The following RGS9 variants were observed in gnomAD, a reference collection of about 807,000 sequenced individuals.
The protein encoded by RGS9 is regulator of G protein signaling 9.
A neutral mutation model predicts 102.0 loss-of-function variants in RGS9; 78 were observed. The observed-to-expected ratio is 0.76, with a 90% CI of 0.64 to 0.92. The LOEUF (loss-of-function observed/expected upper bound fraction) is 0.92, where lower values mean the gene tolerates loss of function less well. Among genes scored for constraint, RGS9 ranks in the 40% least tolerant of loss-of-function variants. The pLI, the probability that RGS9 is intolerant of heterozygous loss-of-function variation, is 0.00. For synonymous variants in RGS9, 353 were observed against 318.6 expected (o/e 1.11, Z -1.15); for missense variants, 833 against 866.1 (o/e 0.96, Z 0.48).
At chr17:65,190,812 A>G (rs1351469449) in intron 11 of RGS9, among the ~76,000 whole-genome samples, 1 of 152,188 alleles carries the variant, frequency 6.6e-6, no homozygotes, top group African/African-American at 2.4e-5. Flanking sequence ...AAAATGCGGA[A>G]TTTATCTTAG....
At chr17:65,224,884 T>C in intron 17 of RGS9, 118 bp from the exon 18 acceptor site, 2 of 1,390,554 alleles carry the variant, frequency 1.4e-6, no homozygotes, top group Admixed American at 3.4e-5. Flanking sequence ...GAGGCAGCCA[T>C]ATCAGGCCCG....
intron 16 of RGS9, among the ~76,000 whole-genome samples, chr17:65,210,094 A>G (rs4423458): frequency 6.6e-6 from 1 of 151,824 alleles, no homozygotes; most frequent in South Asian, 2.1e-4. Context: ...CCACCCCCCA[A>G]CCGCCCCAAA....
intron 17 of RGS9, among the ~76,000 whole-genome samples, chr17:65,223,980 C>T: frequency 6.6e-6 from 1 of 151,820 alleles, no homozygotes. Context: ...TGGTCTCGAA[C>T]TCCTGACCTC....
chr17:65,204,133 A>G, intron 14 of RGS9, 30 bp from the exon 15 acceptor site: 1 of 1,611,732 alleles, frequency 6.2e-7, no homozygotes, highest in Non-Finnish European at 8.5e-7. Flanking sequence ...TGGTTTAGTT[A>G]CTTTTGCTAA....
chr17:65,174,424 T>C (rs1238036570), intron 8 of RGS9, among the ~76,000 whole-genome samples: 1 of 152,080 alleles, frequency 6.6e-6, no homozygotes, highest in Non-Finnish European at 1.5e-5. Context: ...TGTGTGAATG[T>C]ATGTGTGCGA....
chr17:65,168,375 T>G, intron 8 of RGS9, 94 bp downstream of exon 8: 5 of 847,382 alleles, frequency 5.9e-6, no homozygotes, highest in Non-Finnish European at 9.8e-6. Flanking sequence ...CCTCTTTCTC[T>G]AGGGCGAGAA....
intron 9 of RGS9, among the ~76,000 whole-genome samples, chr17:65,182,386 G>A (rs1004923504): frequency 1.3e-5 from 2 of 152,204 alleles, no homozygotes; most frequent in African/African-American, 2.4e-5. Context: ...TCACTACTGC[G>A]TTAGAAGGTA....
chr17:65,164,168 A>G (rs1911088523), intron 7 of RGS9, among the ~76,000 whole-genome samples: 1 of 152,048 alleles, frequency 6.6e-6, no homozygotes, highest in Non-Finnish European at 1.5e-5. Context: ...TGGAAACCAC[A>G]AGGTCCATTT....
intron 1 of RGS9, among the ~76,000 whole-genome samples, chr17:65,143,422 A>T (rs750510079): frequency 3.3e-5 from 5 of 152,184 alleles, no homozygotes; most frequent in African/African-American, 1.2e-4. Flanking sequence ...CAGAGAAGAG[A>T]TGTGTTGAAA....
intron 9 of RGS9, among the ~76,000 whole-genome samples, chr17:65,184,333 A>G (rs1023529090): frequency 5.3e-5 from 8 of 152,194 alleles, no homozygotes; most frequent in African/African-American, 1.9e-4. Context: ...CAGATAAGCA[A>G]TGAATATCTT....
intron 17 of RGS9, among the ~76,000 whole-genome samples, chr17:65,222,319 C>G (rs1480534149): frequency 1.3e-5 from 2 of 152,200 alleles, no homozygotes; most frequent in African/African-American, 4.8e-5. Flanking sequence ...CTCCTGTGAC[C>G]AGCTGGAGCT....
chr17:65,139,133 C>T (rs1477393039), intron 1 of RGS9, among the ~76,000 whole-genome samples: 153 of 138,812 alleles, frequency 1.1e-3, no homozygotes, highest in African/African-American at 1.4e-3. Context: ...CCCTCCTCCA[C>T]CCCAGGTCCT....
chr17:65,162,456 T>C (rs1032119499), intron 6 of RGS9, among the ~76,000 whole-genome samples: 2 of 152,228 alleles, frequency 1.3e-5, no homozygotes, highest in East Asian at 3.9e-4. Context: ...ATACATTTAT[T>C]TATTTATTTA....
In RGS9 at chr17:65,174,272, C is replaced by T. The variant is rs1352106856; in HGVS notation, c.583-3460C>T. Among the ~76,000 whole-genome samples, 6 of 152,230 alleles carry T rather than the reference C, an allele frequency of 3.9e-5. No individual in the cohort carries two copies. In the East Asian group the frequency reaches 5.8e-4, roughly 15 times the overall value. Reference sequence around the variant, plus strand: ...CTAGATAACGAATTCAAGACTTGAGCAGATGACCACACCGAAGTCACCGAG... The same window carrying T: ...CTAGATAACGAATTCAAGACTTGAGTAGATGACCACACCGAAGTCACCGAG... On this transcript the variant is annotated intron_variant, in intron 8 of 18. Transcript: ENST00000262406.
chr17:65,194,324 T>G (rs1912499046), intron 12 of RGS9, among the ~76,000 whole-genome samples: 1 of 152,230 alleles, frequency 6.6e-6, no homozygotes, highest in Non-Finnish European at 1.5e-5. Flanking sequence ...GGGTGGTTTC[T>G]GCCTTTTAGC....
At chr17:65,166,851 T>C (rs562242584) in intron 7 of RGS9, among the ~76,000 whole-genome samples, 2 of 152,284 alleles carry the variant, frequency 1.3e-5, no homozygotes, top group South Asian at 4.1e-4. Flanking sequence ...TTGAAAACAA[T>C]GTTTATATTT....
In RGS9 at chr17:65,187,649, A is replaced by G. The variant is rs555963055; in HGVS notation, c.655-1637A>G. Among the ~76,000 whole-genome samples the G allele has an allele frequency of 3.5e-4, 54 of 152,298 alleles. 1 individual carries two copies. The East Asian group carries it at 0.01, about 28-fold the overall frequency. ...CCTCAGACTTAACCACTCTTTTCCA[A>G]GTGAAGACTTGGGTGGGTTAAGCAG... On this transcript the variant is annotated intron_variant, in intron 9 of 18. Transcript: ENST00000262406.
rs551262538 is a variant in RGS9 at position 65,143,238 on chromosome 17, C to T, written c.57+5641C>T. Among the ~76,000 whole-genome samples, 56 of 152,150 alleles carry T rather than the reference C, an allele frequency of 3.7e-4. 1 individual carries two copies. The highest frequency in any genetic ancestry group is 2.6e-4 in the Admixed American group (4 of 15,266). Reference sequence around the variant, plus strand: ...AACATCCTACAACACACAGGACAGCCGCCCTCACCAACCCCCAAAGAATGA... The same window carrying T: ...AACATCCTACAACACACAGGACAGCTGCCCTCACCAACCCCCAAAGAATGA... On this transcript the variant is annotated intron_variant, in intron 1 of 18. Coordinates refer to ENST00000262406, the MANE Select transcript of RGS9 (RefSeq NM_003835.4).
intron 16 of RGS9, among the ~76,000 whole-genome samples, chr17:65,209,346 C>T (rs1913197805): frequency 6.6e-6 from 1 of 152,204 alleles, no homozygotes; most frequent in Non-Finnish European, 1.5e-5. Context: ...TCAGGCTTTA[C>T]ATCCTGGTAG....
Sources: allele counts gnomAD v4.1 joint callset (sites outside exome capture counted in the v4.1 genomes callset), GRCh38; gene constraint gnomAD v4.1.1; transcripts MANE v1.5; gene names NCBI Gene and HGNC (gene_info 2026-07-23, HGNC 2026-07-21).